RRBP1: variants seen among roughly 807,000 people sequenced by gnomAD.
RRBP1 encodes ribosome-binding protein 1.
RRBP1 carries 94 observed loss-of-function variants against 165.2 expected under a neutral mutation model. That is an observed-to-expected ratio of 0.57 (90% CI 0.48 to 0.68). RRBP1 has a LOEUF of 0.68. RRBP1 is among the 30% of genes least tolerant of loss of function. RRBP1 has a pLI of 0.00. For synonymous variants in RRBP1, 680 were observed against 714.5 expected (o/e 0.95, Z 0.77); for missense variants, 1,676 against 1,763.0 (o/e 0.95, Z 0.88).
chr20:17,676,614 G>A (rs1196604176), intron 2 of RRBP1, among the ~76,000 whole-genome samples: 1 of 152,134 alleles, frequency 6.6e-6, no homozygotes, highest in Non-Finnish European at 1.5e-5. Flanking sequence ...CATATATTGG[G>A]GTAGGATGCT....
In RRBP1 at chr20:17,638,631, A is replaced by G. The variant is rs1021517714; in HGVS notation, c.2185-1902T>C. ...TGGTTTCTTTTTCTTCAAAGAGCTC[A>G]GAGACCCAGGGTTCCTTCTGCTTGT... On this transcript the variant is annotated intron_variant, in intron 5 of 24. Coordinates refer to ENST00000377813, the MANE Select transcript of RRBP1 (RefSeq NM_001365613.2). 5.3e-5 allele frequency among the ~76,000 whole-genome samples: 8 copies of G among 152,310 alleles called. No individual in the cohort carries two copies. In the East Asian group the frequency reaches 7.7e-4, roughly 15 times the overall value.
chr20:17,657,398 T>G (rs2036664106), intron 3 of RRBP1, among the ~76,000 whole-genome samples: 1 of 152,148 alleles, frequency 6.6e-6, no homozygotes, highest in African/African-American at 2.4e-5. Flanking sequence ...CCCACGAAGG[T>G]AATAGCCTGA....
chr20:17,675,822 G>A (rs1393283243), intron 2 of RRBP1, among the ~76,000 whole-genome samples: 2 of 152,202 alleles, frequency 1.3e-5, no homozygotes, highest in African/African-American at 4.8e-5. Context: ...GAACAGAGGA[G>A]TGACATGGTC....
chr20:17,681,665 C>T (rs1212768550), intron 1 of RRBP1, among the ~76,000 whole-genome samples: 1 of 149,908 alleles, frequency 6.7e-6, no homozygotes, highest in Non-Finnish European at 1.5e-5. Context: ...CGCCAACTTT[C>T]TTCGCCCAAC....
rs574314684 is a variant in RRBP1 at position 17,657,626 on chromosome 20, A to G, written c.1912+970T>C. ...AAGGAAAGGAGAGGAGAGGAGAGGA[A>G]AGGAAAGGAGAGGAGAGAAAGAAAA... On this transcript the variant is annotated intron_variant, in intron 3 of 24. Transcript: ENST00000377813. 3.3e-4 allele frequency among the ~76,000 whole-genome samples: 51 copies of G among 152,296 alleles called. 1 individual carries two copies. In the South Asian group the frequency reaches 8.1e-3, roughly 24 times the overall value.
chr20:17,679,878 A>G (rs1177092025), intron 2 of RRBP1, 121 bp downstream of exon 2: 1 of 145,446 alleles, frequency 6.9e-6, no homozygotes, highest in East Asian at 2.2e-4. Flanking sequence ...CCTCTCCTAA[A>G]CCCCAAGATC....
chr20:17,635,531 G>A lies in RRBP1; in HGVS notation c.2456+15C>T, dbSNP rs758848239. ...GGCCCTTGGGGAGGTGCTGAGGCAG[G>A]AAAGCTCAGCTTACTTGCTCTCCAC... On this transcript the variant is annotated intron_variant, in intron 7 of 24. Coordinates refer to ENST00000377813, the MANE Select transcript of RRBP1 (RefSeq NM_001365613.2). 3 of 1,585,344 alleles carry A rather than the reference G, an allele frequency of 1.9e-6. No homozygotes were observed. Among genetic ancestry groups the A allele is most frequent in the Non-Finnish European group, 2.6e-6 (3 of 1,160,740 alleles).
At chr20:17,670,704 GA>G (rs1367813132) in intron 2 of RRBP1, among the ~76,000 whole-genome samples, 2 of 152,128 alleles carry the variant, frequency 1.3e-5, no homozygotes, top group Non-Finnish European at 2.9e-5. Context: ...ATATCCTTGA[GA>G]AGTTCCTTTA....
intron 5 of RRBP1, among the ~76,000 whole-genome samples, chr20:17,641,269 T>C (rs2122358052): frequency 6.6e-6 from 1 of 152,322 alleles, no homozygotes; most frequent in African/African-American, 2.4e-5. Context: ...GTGCAAATGC[T>C]ACGTGCCACG....
intron 3 of RRBP1, among the ~76,000 whole-genome samples, chr20:17,658,311 C>T (rs1253032459): frequency 6.6e-6 from 1 of 152,194 alleles, no homozygotes; most frequent in African/African-American, 2.4e-5. Flanking sequence ...AAGGACCACA[C>T]ATGGAACTGA....
intron 5 of RRBP1, 98 bp downstream of exon 5, chr20:17,641,699 G>A: frequency 1.4e-6 from 2 of 1,443,192 alleles, no homozygotes; most frequent in Non-Finnish European, 1.9e-6. Context: ...TTCCAGGCAG[G>A]CCCCAGCATC....
chr20:17,663,069 T>C (rs751579920), intron 2 of RRBP1, among the ~76,000 whole-genome samples: 2 of 152,120 alleles, frequency 1.3e-5, no homozygotes, highest in African/African-American at 4.8e-5. Context: ...AAACGAACAT[T>C]AGGGGCCTGG....
chr20:17,625,611 A>T lies in RRBP1; in HGVS notation c.2964-9T>A. The T allele has an allele frequency of 1.2e-6, 2 of 1,612,836 alleles. No homozygotes were observed. The highest frequency in any genetic ancestry group is 8.5e-7 in the Non-Finnish European group (1 of 1,179,024). On this transcript the variant is annotated splice_polypyrimidine_tract_variant and intron_variant, in intron 11 of 24. Coordinates refer to ENST00000377813, the MANE Select transcript of RRBP1 (RefSeq NM_001365613.2). Reference sequence around the variant, plus strand: ...ACTCCAGCTCCTTGAGGCTGAAGGGACACAACGAGGTCACCGCCTAGGCTC... The same window carrying T: ...ACTCCAGCTCCTTGAGGCTGAAGGGTCACAACGAGGTCACCGCCTAGGCTC...
intron 3 of RRBP1, among the ~76,000 whole-genome samples, chr20:17,646,654 C>T (rs1447077497): frequency 4.6e-5 from 7 of 152,224 alleles, no homozygotes; most frequent in Admixed American, 4.6e-4. Flanking sequence ...AAGCAGCTCA[C>T]AGCAGCTCAG....
chr20:17,666,217 T>G (rs2036864249), intron 2 of RRBP1, among the ~76,000 whole-genome samples: 1 of 152,180 alleles, frequency 6.6e-6, no homozygotes, highest in African/African-American at 2.4e-5. Context: ...TTTAAATGTT[T>G]TCTTCGAAGC....
In RRBP1 at chr20:17,618,519, G is replaced by A. The variant is rs112473259; in HGVS notation, c.3759+77C>T. ...GCTTTATCTTTGAGTGGACACAAAC[G>A]CATGACTGGCAAATGCATCTCACAC... On this transcript the variant is annotated intron_variant, in intron 20 of 24. Transcript: ENST00000377813. The A allele has an allele frequency of 4.9e-4, 550 of 1,119,822 alleles. 4 individuals are homozygous for A. In the African/African-American group the frequency reaches 7.6e-3, roughly 16 times the overall value. The allele number at this position is 1,119,822 out of a possible 1,614,324, so 69.4% of individuals were successfully genotyped here.
At chr20:17,670,744 T>C (rs1005595993) in intron 2 of RRBP1, among the ~76,000 whole-genome samples, 1 of 152,234 alleles carries the variant, frequency 6.6e-6, no homozygotes, top group African/African-American at 2.4e-5. Flanking sequence ...CTATCTTGGG[T>C]TTTTGTCTTA....
rs568732233 is a variant in RRBP1, at chr20:17,650,209, A to G, written c.1913-7082T>C. 6.6e-5 allele frequency among the ~76,000 whole-genome samples: 10 copies of G among 152,238 alleles called. No homozygotes were observed. In the East Asian group the frequency reaches 1.9e-3, roughly 29 times the overall value. ...AAACTGGAAAATGCAGAAGGGTGAAAGGAAGATACTAACATTTACCCATAA... is the reference window on the plus strand; with the variant it reads ...AAACTGGAAAATGCAGAAGGGTGAAGGGAAGATACTAACATTTACCCATAA... On this transcript the variant is annotated intron_variant, in intron 3 of 24. Coordinates refer to ENST00000377813, the MANE Select transcript of RRBP1 (RefSeq NM_001365613.2).
intron 13 of RRBP1, 89 bp downstream of exon 13, chr20:17,624,487 G>T (rs1318532868): frequency 3.5e-6 from 3 of 848,236 alleles, no homozygotes; most frequent in Non-Finnish European, 5.9e-6. Context: ...TAGAGCATCT[G>T]GTGTCCTAGT....
Sources: gnomAD v4.1 joint callset for allele counts (sites outside exome capture counted in the v4.1 genomes callset) on GRCh38, gnomAD v4.1.1 for gene constraint, MANE v1.5 for transcripts, NCBI Gene and HGNC (gene_info 2026-07-23, HGNC 2026-07-21) for gene names.